ATXN2: variants seen among roughly 807,000 people sequenced by gnomAD.
ATXN2 encodes the protein ataxin-2.
A neutral mutation model predicts 138.6 loss-of-function variants in ATXN2; 37 were observed. That is an observed-to-expected ratio of 0.27 (90% CI 0.21 to 0.35). The LOEUF is 0.35. Ranked by LOEUF, ATXN2 falls within the 10% of genes least tolerant of loss-of-function variation. The probability of loss-of-function intolerance (pLI) is 1.00; values close to 1 mark genes in which losing one functional copy is unlikely to be tolerated. For synonymous variants in ATXN2, 549 were observed against 543.7 expected, an observed-to-expected ratio of 1.01 and a Z score of -0.13; for missense variants, 1,216 against 1,480.3, an observed-to-expected ratio of 0.82 and a Z score of 2.93.
At chr12:111,555,704 G>A (rs1279462126) in intron 2 of ATXN2, among the ~76,000 whole-genome samples, 179 bp downstream of exon 2, 3 of 146,530 alleles carry the variant, frequency 2.0e-5, no homozygotes, top group Non-Finnish European at 4.4e-5. Flanking sequence ...ACAAGTAATT[G>A]TACATTTTAT....
At chr12:111,566,632 GCTTTT>G (rs1463047617) in intron 1 of ATXN2, among the ~76,000 whole-genome samples, 1 of 149,924 alleles carries the variant, frequency 6.7e-6, no homozygotes, top group Non-Finnish European at 1.5e-5. Context: ...AGAGGAAATT[GCTTTT>G]CTTTTTTTTT....
intron 18 of ATXN2, among the ~76,000 whole-genome samples, chr12:111,479,798 A>T (rs1877088317): frequency 6.6e-6 from 1 of 150,996 alleles, no homozygotes. Flanking sequence ...TTCCAATATG[A>T]CCCAGGGAAG....
At chr12:111,585,921 T>C (rs374871688) in intron 1 of ATXN2, among the ~76,000 whole-genome samples, 11 of 152,162 alleles carry the variant, frequency 7.2e-5, no homozygotes, top group South Asian at 2.1e-4. Context: ...TTTGTTTTTT[T>C]GAGATAAGGT....
chr12:111,593,753 T>C (rs2135853934), intron 1 of ATXN2, among the ~76,000 whole-genome samples: 1 of 152,322 alleles, frequency 6.6e-6, no homozygotes, highest in Non-Finnish European at 1.5e-5. Context: ...AAAACATGTC[T>C]CTTTGGTTAG....
chr12:111,559,169 T>TGTC (rs1481053828), intron 1 of ATXN2, among the ~76,000 whole-genome samples: 1 of 151,112 alleles, frequency 6.6e-6, no homozygotes. Flanking sequence ...AGTCTCACTC[T>TGTC]GTCGCCAGGC....
intron 5 of ATXN2, among the ~76,000 whole-genome samples, chr12:111,535,493 G>T (rs534941076): frequency 6.6e-6 from 1 of 151,960 alleles, no homozygotes; most frequent in African/African-American, 2.4e-5. Context: ...ATGGTGGCGC[G>T]CGCCTGTCGT....
intron 14 of ATXN2, among the ~76,000 whole-genome samples, chr12:111,508,325 G>A (rs1319299775): frequency 6.6e-6 from 1 of 151,998 alleles, no homozygotes; most frequent in Non-Finnish European, 1.5e-5. Context: ...ATACATAAGA[G>A]GAGTTTAACT....
chr12:111,472,645 T>G (rs934795844), intron 18 of ATXN2, among the ~76,000 whole-genome samples: 1 of 152,202 alleles, frequency 6.6e-6, no homozygotes, highest in African/African-American at 2.4e-5. Context: ...CTTGACTCAC[T>G]GCACTCTCTG....
intron 11 of ATXN2, 71 bp from the exon 12 acceptor site, chr12:111,510,653 T>G: frequency 7.3e-7 from 1 of 1,365,486 alleles, no homozygotes; most frequent in Non-Finnish European, 1.0e-6. Flanking sequence ...GGCTTCAGGC[T>G]TCTCTGAAGA....
chr12:111,553,604 A>AATTTTTTTTTTTT (rs1882237738), intron 3 of ATXN2, among the ~76,000 whole-genome samples: 3 of 85,004 alleles, frequency 3.5e-5, no homozygotes, highest in African/African-American at 1.5e-4. Flanking sequence ...AAAAAAAAAA[A>AATTTTTTTTTTTT]TTTTTTTTTT....
chr12:111,456,955 C>A (rs375488128), intron 22 of ATXN2, among the ~76,000 whole-genome samples: 6 of 151,950 alleles, frequency 3.9e-5, no homozygotes, highest in Non-Finnish European at 7.4e-5. Flanking sequence ...TCACAGTGTT[C>A]GCCAGGATGG....
intron 1 of ATXN2, among the ~76,000 whole-genome samples, chr12:111,588,571 G>A (rs868723162): frequency 6.6e-6 from 1 of 151,546 alleles, no homozygotes; most frequent in East Asian, 1.9e-4. Flanking sequence ...GCAATGAGCC[G>A]AGATCGCACC....
chr12:111,465,428 T>C (rs1875921295), intron 20 of ATXN2, among the ~76,000 whole-genome samples: 1 of 152,056 alleles, frequency 6.6e-6, no homozygotes, highest in Non-Finnish European at 1.5e-5. Flanking sequence ...ATTATTACTG[T>C]TTCTGAAAGG....
chr12:111,475,677 T>C (rs1723835733), intron 18 of ATXN2, among the ~76,000 whole-genome samples: 1 of 151,426 alleles, frequency 6.6e-6, no homozygotes. Flanking sequence ...TAAAGATCAG[T>C]TGGTTTTAAA....
intron 20 of ATXN2, chr12:111,468,326 G>A (rs898605697): frequency 2.6e-5 from 4 of 152,102 alleles, no homozygotes; most frequent in Non-Finnish European, 4.4e-5. Context: ...AATTACGGAT[G>A]GGCCTCTTGA....
At chr12:111,542,903 T>C (rs1165196967) in intron 5 of ATXN2, among the ~76,000 whole-genome samples, 1 of 152,186 alleles carries the variant, frequency 6.6e-6, no homozygotes, top group African/African-American at 2.4e-5. Context: ...ATTTAATAAA[T>C]GAAGTTATTG....
intron 21 of ATXN2, among the ~76,000 whole-genome samples, chr12:111,460,338 T>C (rs28521474): frequency 0.21 from 31,225 of 152,204 alleles, 3,322 homozygotes; most frequent in East Asian, 0.33. Context: ...CCTCCCAAAG[T>C]GCTGGGACTA....
chr12:111,597,950 C>T, intron 1 of ATXN2: 1 of 1,246,670 alleles, frequency 8.0e-7, no homozygotes, highest in South Asian at 1.3e-5. Context: ...ACTGCGGCCT[C>T]GAACAGCAAT....
At position 111,516,098 on chromosome 12, in the gene ATXN2, TC is replaced by T. The variant is rs1201984368; in HGVS notation, c.1375+55del. On this transcript the variant is annotated intron_variant, in intron 10 of 24. Coordinates refer to ENST00000673436, the MANE Select transcript of ATXN2 (RefSeq NM_001372574.1). The surrounding 1 kb of genome is among the most constrained non-coding windows in gnomAD (Gnocchi z 5.0). ...AGGAAACTATTTTGTAATTATAAACTCACATAGGAGTTAAACAAAGACAAAC... is the reference window on the plus strand; with the variant it reads ...AGGAAACTATTTTGTAATTATAAACTACATAGGAGTTAAACAAAGACAAAC... 6.8e-7 allele frequency: 1 copy of T among 1,467,516 alleles called. No homozygotes were observed. The highest frequency in any genetic ancestry group is 2.4e-5 in the East Asian group (1 of 42,006). The allele number at this position is 1,467,516 out of a possible 1,614,324, so 90.9% of individuals were successfully genotyped here.
Sources: gnomAD v4.1 joint callset for allele counts (sites outside exome capture counted in the v4.1 genomes callset) on GRCh38, gnomAD v4.1.1 for gene constraint, Gnocchi (gnomAD v3.1) non-coding constraint, MANE v1.5 for transcripts, NCBI Gene and HGNC (gene_info 2026-07-23, HGNC 2026-07-21) for gene names.